The following ANO6 variants were observed in gnomAD, a reference collection of about 807,000 sequenced individuals.
ANO6 encodes the protein anoctamin-6.
In ANO6, 106 loss-of-function variants were observed where a neutral mutation model predicts 117.5. The observed-to-expected ratio is 0.90, with a 90% CI of 0.77 to 1.06. The LOEUF is 1.06. Among genes scored for constraint, ANO6 ranks in the 50% least tolerant of loss-of-function variants. ANO6 has a pLI of 0.00. For synonymous variants in ANO6, 367 were observed against 385.1 expected (o/e 0.95, Z 0.55); for missense variants, 955 against 1,121.1 (o/e 0.85, Z 2.12).
chr12:45,367,307 A>G (rs1941711239), intron 8 of ANO6, among the ~76,000 whole-genome samples: 1 of 152,172 alleles, frequency 6.6e-6, no homozygotes, highest in Non-Finnish European at 1.5e-5. Flanking sequence ...AATTCTAATA[A>G]TTTATCTTTA....
chr12:45,295,793 T>A (rs1194050111), intron 1 of ANO6, among the ~76,000 whole-genome samples: 1 of 152,100 alleles, frequency 6.6e-6, no homozygotes, highest in Non-Finnish European at 1.5e-5. Context: ...ACTCCTTACC[T>A]CAAGTGATCC....
chr12:45,423,131 A>G (rs1943409766), intron 19 of ANO6, 69 bp downstream of exon 19: 1 of 1,106,676 alleles, frequency 9.0e-7, no homozygotes, highest in African/African-American at 1.5e-5. Context: ...AAGTGTTGCC[A>G]ACTCCATACT....
rs1225669380 is a variant in ANO6 at position 45,348,274 on chromosome 12, G to A, written c.592G>A (p.Asp198Asn). Residue 198 changes from aspartate to asparagine, a missense_variant, in exon 5 of 20, where the codon GAT becomes AAT. Coordinates refer to ENST00000320560, the MANE Select transcript of ANO6 (RefSeq NM_001025356.3). ...KNRMNDFYIV[D>N]RDAFFNPATR... ...CCGGATGAATGATTTTTACATAGTT[G>A]ATAGAGATGCTTTCTTCAATCCAGC... 1 of 1,614,070 alleles carries A rather than the reference G, an allele frequency of 6.2e-7. No individual in the cohort carries two copies. Among genetic ancestry groups the A allele is most frequent in the Admixed American group, 1.7e-5 (1 of 60,006 alleles).
chr12:45,414,804 C>T (rs999966775), intron 16 of ANO6, among the ~76,000 whole-genome samples: 1 of 152,190 alleles, frequency 6.6e-6, no homozygotes, highest in Non-Finnish European at 1.5e-5. Context: ...CGCCCTGTTG[C>T]CCAGGCTGGA....
chr12:45,433,798 C>T (rs1334778758), downstream of ANO6, among the ~76,000 whole-genome samples: 1 of 152,206 alleles, frequency 6.6e-6, no homozygotes, highest in Non-Finnish European at 1.5e-5. Context: ...CACCCAGAGC[C>T]TTCGGATTCC....
chr12:45,367,785 T>A lies in ANO6; in HGVS notation c.1096T>A (p.Ser366Thr). 2.5e-6 allele frequency: 4 copies of A among 1,612,928 alleles called. No individual in the cohort carries two copies. The highest frequency in any genetic ancestry group is 3.4e-6 in the Non-Finnish European group (4 of 1,179,252). ...PFWKLNITCE[S>T]SKKLCIFDSF... ...CTGGAAACTCAATATTACTTGCGAGTCCTCAAAGGTAATTTTTGCTATTGC... is the reference window on the plus strand; with the variant it reads ...CTGGAAACTCAATATTACTTGCGAGACCTCAAAGGTAATTTTTGCTATTGC... Residue 366 changes from serine to threonine, a missense_variant, in exon 9 of 20, where the codon TCC (serine) becomes ACC (threonine). Ser to Thr is a moderately conservative substitution (Grantham distance 58, BLOSUM62 1). Coordinates refer to ENST00000320560, the MANE Select transcript of ANO6 (RefSeq NM_001025356.3).
At chr12:45,276,697 G>A (rs1242914694) in intron 1 of ANO6, among the ~76,000 whole-genome samples, 1 of 151,982 alleles carries the variant, frequency 6.6e-6, no homozygotes, top group Non-Finnish European at 1.5e-5. Context: ...TTTTTATTGT[G>A]GAATATAAGC....
intron 1 of ANO6, among the ~76,000 whole-genome samples, chr12:45,285,511 A>G (rs1005390339): frequency 6.6e-6 from 1 of 152,190 alleles, no homozygotes; most frequent in Non-Finnish European, 1.5e-5. Flanking sequence ...TGGGAGGCTG[A>G]GGCAGGCGAA....
At chr12:45,283,622 A>G (rs1200626841) in intron 1 of ANO6, among the ~76,000 whole-genome samples, 1 of 152,228 alleles carries the variant, frequency 6.6e-6, no homozygotes, top group African/African-American at 2.4e-5. Context: ...CTCTGTCTAC[A>G]TAATGGGAGC....
At chr12:45,362,092 T>TC (rs1188409428) in intron 8 of ANO6, among the ~76,000 whole-genome samples, 1 of 152,142 alleles carries the variant, frequency 6.6e-6, no homozygotes, top group Non-Finnish European at 1.5e-5. Context: ...TAGGTGGAAT[T>TC]CATCAGTGAA....
At chr12:45,288,821 C>A (rs1314840682) in intron 1 of ANO6, among the ~76,000 whole-genome samples, 2 of 152,150 alleles carry the variant, frequency 1.3e-5, no homozygotes, top group African/African-American at 4.8e-5. Context: ...TATCGCAGCT[C>A]ACTGCAAGCT....
chr12:45,390,041 T>C (rs964638730), intron 11 of ANO6, among the ~76,000 whole-genome samples: 1 of 152,248 alleles, frequency 6.6e-6, no homozygotes, highest in African/African-American at 2.4e-5. Flanking sequence ...ACCTAGTATT[T>C]GCAGACATCT....
At chr12:45,255,412 A>G (rs1332521707) in intron 1 of ANO6, among the ~76,000 whole-genome samples, 4 of 152,164 alleles carry the variant, frequency 2.6e-5, no homozygotes, top group Non-Finnish European at 5.9e-5. Context: ...CTGAGGCAGG[A>G]GAATTGCTTG....
At chr12:45,308,650 G>T (rs1437391337) in intron 2 of ANO6, among the ~76,000 whole-genome samples, 3 of 152,086 alleles carry the variant, frequency 2.0e-5, no homozygotes, top group Non-Finnish European at 4.4e-5. Flanking sequence ...TGTAGAATAG[G>T]CAGAGTTTGA....
chr12:45,306,794 A>C (rs977242782), intron 2 of ANO6, among the ~76,000 whole-genome samples: 1 of 151,406 alleles, frequency 6.6e-6, no homozygotes, highest in African/African-American at 2.4e-5. Flanking sequence ...ACGTCAGATA[A>C]TCCTGTAGAG....
chr12:45,424,370 A>C (rs1330955906), intron 19 of ANO6, among the ~76,000 whole-genome samples: 1 of 117,146 alleles, frequency 8.5e-6, no homozygotes, highest in Non-Finnish European at 1.6e-5. Context: ...ACAGAGTCTC[A>C]CTCTGTTGCC....
chr12:45,380,157 A>T (rs1202086237), intron 10 of ANO6, among the ~76,000 whole-genome samples: 1 of 152,210 alleles, frequency 6.6e-6, no homozygotes, highest in African/African-American at 2.4e-5. Flanking sequence ...TCATATACGT[A>T]CCTTAAAAAT....
intron 1 of ANO6, among the ~76,000 whole-genome samples, chr12:45,266,645 A>G (rs1266721840): frequency 6.6e-6 from 1 of 152,178 alleles, no homozygotes; most frequent in Admixed American, 6.5e-5. Context: ...AAACGTTAAA[A>G]AATTAGCTGA....
chr12:45,228,826 G>T (rs919638126), intron 1 of ANO6, among the ~76,000 whole-genome samples: 3 of 152,154 alleles, frequency 2.0e-5, no homozygotes, highest in Non-Finnish European at 4.4e-5. Flanking sequence ...TGTTGTGTAT[G>T]CAGGCAGCAT....
Sources: allele counts gnomAD v4.1 joint callset (sites outside exome capture counted in the v4.1 genomes callset), GRCh38; gene constraint gnomAD v4.1.1; transcripts MANE v1.5; gene names NCBI Gene and HGNC (gene_info 2026-07-23, HGNC 2026-07-21).